LINGO2: variants seen among roughly 807,000 people sequenced by gnomAD.
LINGO2 encodes leucine-rich repeat and immunoglobulin-like domain-containing nogo receptor-interacting protein 2.
In LINGO2, 14 loss-of-function variants were observed where a neutral mutation model predicts 30.6. The observed-to-expected ratio is 0.46, with a 90% CI of 0.30 to 0.72. The LOEUF (loss-of-function observed/expected upper bound fraction) is 0.72. Among genes scored for constraint, LINGO2 ranks in the 30% least tolerant of loss-of-function variants. The pLI, the probability that LINGO2 is intolerant of heterozygous loss-of-function variation, is 0.07. For synonymous variants in LINGO2, 317 were observed against 288.5 expected (o/e 1.10, Z -1.00); for missense variants, 729 against 751.7 (o/e 0.97, Z 0.35).
intron 1 of LINGO2, among the ~76,000 whole-genome samples, chr9:28,645,254 C>T (rs1827788046): frequency 6.6e-6 from 1 of 151,918 alleles, no homozygotes; most frequent in Non-Finnish European, 1.5e-5. Flanking sequence ...TGGACATAAC[C>T]CACTGTGTGT....
At chr9:29,144,293 A>G in the LINGO2 span, among the ~76,000 whole-genome samples, 7 of 152,050 alleles carry the variant, frequency 4.6e-5, no homozygotes, top group Non-Finnish European at 8.8e-5. Context: ...AAAATTCTGT[A>G]TAGAACGTCA....
At chr9:28,584,344 A>G (rs772696014) in intron 1 of LINGO2, among the ~76,000 whole-genome samples, 43 of 152,122 alleles carry the variant, frequency 2.8e-4, no homozygotes, top group Non-Finnish European at 2.8e-4. Context: ...AGAGCATCTC[A>G]TTTTATTTGA....
At chr9:28,989,019 T>C in the LINGO2 span, among the ~76,000 whole-genome samples, 1 of 152,160 alleles carries the variant, frequency 6.6e-6, no homozygotes, top group Non-Finnish European at 1.5e-5. Context: ...CCCCTTTAAT[T>C]ATATATTTTT....
chr9:28,806,578 TG>T, the LINGO2 span, among the ~76,000 whole-genome samples: 1 of 152,190 alleles, frequency 6.6e-6, no homozygotes, highest in Admixed American at 6.5e-5. Context: ...TCACCTTTTT[TG>T]GTTCCCAAAG....
At chr9:28,617,517 G>A (rs201285089) in intron 1 of LINGO2, among the ~76,000 whole-genome samples, 59 of 151,962 alleles carry the variant, frequency 3.9e-4, no homozygotes, top group East Asian at 2.9e-3. Context: ...GGATGGTCTC[G>A]ATCTCCTGAC....
chr9:28,770,505 T>C, the LINGO2 span, among the ~76,000 whole-genome samples: 1 of 152,268 alleles, frequency 6.6e-6, no homozygotes, highest in South Asian at 2.1e-4. Context: ...GCTATGTCAT[T>C]TTACATGAGG....
intron 4 of LINGO2, among the ~76,000 whole-genome samples, chr9:28,225,227 C>T (rs1821106701): frequency 6.6e-6 from 1 of 152,086 alleles, no homozygotes; most frequent in Non-Finnish European, 1.5e-5. Flanking sequence ...ACAAATACAA[C>T]ACTTAGGTAT....
chr9:28,934,604 T>C, the LINGO2 span, among the ~76,000 whole-genome samples: 1 of 152,334 alleles, frequency 6.6e-6, no homozygotes, highest in Admixed American at 6.5e-5. Flanking sequence ...TCCAGATATT[T>C]CTATTTGGTA....
chr9:29,116,573 T>C, the LINGO2 span, among the ~76,000 whole-genome samples: 5 of 152,086 alleles, frequency 3.3e-5, no homozygotes, highest in African/African-American at 1.2e-4. Flanking sequence ...ACATTAATTA[T>C]TTTGGGTGGT....
the LINGO2 span, among the ~76,000 whole-genome samples, chr9:28,744,082 T>C: frequency 6.7e-6 from 1 of 149,446 alleles, no homozygotes; most frequent in Admixed American, 6.8e-5. Context: ...TCAAATCTAC[T>C]CTTGAACTCC....
At chr9:27,951,441 C>A (rs7851226) in intron 5 of LINGO2, among the ~76,000 whole-genome samples, 1 of 151,910 alleles carries the variant, frequency 6.6e-6, no homozygotes, top group Admixed American at 6.6e-5. Context: ...AATAAAAATG[C>A]TCTTTTAAAT....
At chr9:28,672,663 G>A (rs374337189), upstream of LINGO2, among the ~76,000 whole-genome samples, 7 of 152,222 alleles carry the variant, frequency 4.6e-5, no homozygotes, top group East Asian at 1.9e-4. Context: ...TTTATTGAGT[G>A]TTTTAAAATA....
intron 4 of LINGO2, among the ~76,000 whole-genome samples, chr9:28,027,597 C>A (rs141575493): frequency 2.5e-4 from 38 of 152,262 alleles, no homozygotes; most frequent in East Asian, 1.5e-3. Context: ...TGTTTCACCA[C>A]TTTCTTAGTA....
the LINGO2 span, among the ~76,000 whole-genome samples, chr9:29,187,864 C>T: frequency 7.2e-6 from 1 of 139,532 alleles, no homozygotes; most frequent in Non-Finnish European, 1.5e-5. Context: ...TAACCTGTAT[C>T]ATGACACCAT....
the LINGO2 span, among the ~76,000 whole-genome samples, chr9:29,117,479 TC>T: frequency 6.6e-6 from 1 of 152,146 alleles, no homozygotes; most frequent in African/African-American, 2.4e-5. Context: ...TTTAGACTGA[TC>T]CTACAAGGAT....
the LINGO2 span, among the ~76,000 whole-genome samples, chr9:29,135,276 C>T: frequency 6.6e-6 from 1 of 151,988 alleles, no homozygotes; most frequent in East Asian, 1.9e-4. Context: ...TAGAGATTGT[C>T]AGGCCGGGTG....
At chr9:28,206,371 G>T (rs55935634) in intron 4 of LINGO2, among the ~76,000 whole-genome samples, 8,025 of 151,802 alleles carry the variant, frequency 0.053, 296 homozygotes, top group African/African-American at 0.1. Flanking sequence ...TCTAAATCAA[G>T]AACAAAAAAT....
At chr9:28,339,524 T>C (rs913929072) in intron 3 of LINGO2, among the ~76,000 whole-genome samples, 1 of 152,106 alleles carries the variant, frequency 6.6e-6, no homozygotes, top group African/African-American at 2.4e-5. Flanking sequence ...CTAAGTCCAG[T>C]AGTATGGTGG....
the LINGO2 span, among the ~76,000 whole-genome samples, chr9:28,794,952 T>A: frequency 6.6e-6 from 1 of 151,840 alleles, no homozygotes; most frequent in African/African-American, 2.4e-5. Context: ...TGCCTCAACC[T>A]CCCGAGTAGC....
Sources: gnomAD v4.1 joint callset for allele counts (sites outside exome capture counted in the v4.1 genomes callset) on GRCh38, gnomAD v4.1.1 for gene constraint, MANE v1.5 for transcripts, NCBI Gene and HGNC (gene_info 2026-07-23, HGNC 2026-07-21) for gene names.